The following TIGD7 variants were observed in gnomAD, a reference collection of about 807,000 sequenced individuals.
TIGD7 encodes the protein tigger transposable element-derived protein 7.
TIGD7 carries 26 observed loss-of-function variants against 24.8 expected under a neutral mutation model. The observed-to-expected ratio is 1.05, with a 90% CI of 0.77 to 1.45. The LOEUF is 1.45. Among genes scored for constraint, TIGD7 ranks in the 40% most tolerant of loss-of-function variants. The pLI is 0.00. For missense variants in TIGD7, 679 were observed against 641.6 expected (o/e 1.06, Z -0.63); for synonymous variants, 221 against 224.1 (o/e 0.99, Z 0.12).
rs890315200 is a variant in TIGD7, at chr16:3,301,248, C to T, written c.-634G>A. ...CAGTTCATCTACCTGGATAAGGGCT[C>T]CGAGCTACAGGGACCCTGACATTGG... On this transcript the variant is annotated 5_prime_UTR_variant, in exon 2 of 2. Transcript: ENST00000396862. 2.4e-5 allele frequency: 4 copies of T among 167,034 alleles called. No individual in the cohort carries two copies. Among genetic ancestry groups the T allele is most frequent in the African/African-American group, 9.7e-5 (4 of 41,414 alleles). 10.3% of individuals were successfully genotyped at this position (167,034 alleles called of 1,614,324 possible).
Position 3,299,122 on chromosome 16 carries a change from T to C in TIGD7, c.1493A>G (p.Gln498Arg). Residue 498 changes from glutamine (Q) to arginine (R), a missense_variant, in exon 2 of 2, where the codon CAG becomes CGG. Physicochemically the swap from Gln to Arg is conservative, Grantham distance 43. Coordinates refer to ENST00000396862, the MANE Select transcript of TIGD7 (RefSeq NM_033208.4). ...CTCTTTCAGTGTGAAGTGGAATCTCTGAAACTCAGGTGTGGCATCAACAAA... is the reference window on the plus strand; with the variant it reads ...CTCTTTCAGTGTGAAGTGGAATCTCCGAAACTCAGGTGTGGCATCAACAAA... ...LDFVDATPEF[Q>R]RFHFTLKEMQ... 1 of 1,468,902 alleles carries C rather than the reference T, an allele frequency of 6.8e-7. No individual in the cohort carries two copies. The highest frequency in any genetic ancestry group is 2.5e-5 in the East Asian group (1 of 40,026). 91.0% of individuals were successfully genotyped at this position (1,468,902 alleles called of 1,614,324 possible).
In TIGD7 at chr16:3,300,615, A is replaced by C; in HGVS notation, c.-1T>G. ...TTGTATATTTCCCTCTCTTATTCAT[A>C]CTGAATTTAACTCTGAACCACCAAC... On this transcript the variant is annotated 5_prime_UTR_variant, in exon 2 of 2. Transcript: ENST00000396862. 1 of 1,547,438 alleles carries C rather than the reference A, an allele frequency of 6.5e-7. No individual in the cohort carries two copies. Among genetic ancestry groups the C allele is most frequent in the Non-Finnish European group, 8.7e-7 (1 of 1,150,316 alleles).
rs1959927372 is a variant in TIGD7, at chr16:3,301,087, A to C, written c.-473T>G. On this transcript the variant is annotated 5_prime_UTR_variant, in exon 2 of 2. Transcript: ENST00000396862. ...GAAGAAGGGAGCGTGAAAGACTCAA[A>C]GGCAATGACAGAGTAATCTTGTGTG... 5.9e-6 allele frequency: 1 copy of C among 169,570 alleles called. No homozygotes were observed. Among genetic ancestry groups the C allele is most frequent in the Non-Finnish European group, 1.4e-5 (1 of 69,850 alleles). The allele number at this position is 169,570 out of a possible 1,614,324, so 10.5% of individuals were successfully genotyped here.
chr16:3,299,432 T>C lies in TIGD7; in HGVS notation c.1183A>G (p.Ile395Val), dbSNP rs145207288. 5.1e-6 allele frequency: 8 copies of C among 1,561,990 alleles called. No individual in the cohort carries two copies. In the African/African-American group the frequency reaches 5.5e-5, roughly 11 times the overall value. ...AGAAGATTTTCCCATGCATTTGCTA[T>C]GGTTATTTGTTTTACTTCTTCCCAA... ...KSWEEVKQIT[I>V]ANAWENLLYK... Residue 395 changes from isoleucine (I) to valine (V), a missense_variant, in exon 2 of 2, where the codon ATA (isoleucine) becomes GTA (valine). Transcript: ENST00000396862.
Position 3,300,247 on chromosome 16 carries a change from G to T in TIGD7, c.368C>A (p.Thr123Asn), listed in dbSNP as rs375669196. The change falls in exon 2 of 2, where the codon ACT becomes AAT. Residue 123 changes from threonine (T) to asparagine (N), a missense_variant. Coordinates refer to ENST00000396862, the MANE Select transcript of TIGD7 (RefSeq NM_033208.4). Reference sequence around the variant, plus strand: ...ATTTCGAAATCTAAAAAGCCAACCAGTGCTAGCTTTGAAATCTGTTCGCCC... The same window carrying T: ...ATTTCGAAATCTAAAAAGCCAACCATTGCTAGCTTTGAAATCTGTTCGCCC... ...CFGRTDFKAS[T>N]GWLFRFRNRH... The T allele has an allele frequency of 6.2e-7, 1 of 1,614,188 alleles. No homozygotes were observed. Among genetic ancestry groups the T allele is most frequent in the Non-Finnish European group, 8.5e-7 (1 of 1,180,042 alleles).
Position 3,300,258 on chromosome 16 carries a change from G to A in TIGD7, c.357C>T (p.Phe119=). 4 of 1,614,164 alleles carry A rather than the reference G, an allele frequency of 2.5e-6. No individual in the cohort carries two copies. In the Admixed American group the frequency reaches 6.7e-5, roughly 27 times the overall value. ...TAAAAAGCCAACCAGTGCTAGCTTT[G>A]AAATCTGTTCGCCCAAAACACCGTG... ...RFARCFGRTD[F]KASTGWLFRF... The change falls in exon 2 of 2, where the codon TTC becomes TTT. Residue 119 remains phenylalanine (F), a synonymous_variant. Coordinates refer to ENST00000396862, the MANE Select transcript of TIGD7 (RefSeq NM_033208.4).
In TIGD7 at chr16:3,299,558, T is replaced by C; in HGVS notation, c.1057A>G (p.Ile353Val). ...RWKQLEESLV[I>V]FEESDDEQEK... ...TGCTCATCATCACTTTCTTCAAATA[T>C]TACAAGACTCTCTTCAAGTTGCTTC... Residue 353 changes from isoleucine to valine, a missense_variant, in exon 2 of 2, where the codon ATA (isoleucine) becomes GTA (valine). Ile to Val is a conservative substitution (Grantham distance 29, BLOSUM62 3). Coordinates refer to ENST00000396862, the MANE Select transcript of TIGD7 (RefSeq NM_033208.4). 1 of 1,532,646 alleles carries C rather than the reference T, an allele frequency of 6.5e-7. No individual in the cohort carries two copies. The highest frequency in any genetic ancestry group is 1.3e-5 in the South Asian group (1 of 77,108). 94.9% of individuals were successfully genotyped at this position (1,532,646 alleles called of 1,614,324 possible). A position where few individuals can be genotyped will look rare whatever the true frequency, so the allele number is the denominator to read the frequency against.
rs1232312838 is a variant in TIGD7, at chr16:3,299,871, T to C, written c.744A>G (p.Ile248Met). The change falls in exon 2 of 2, where the codon ATA becomes ATG. Residue 248 changes from isoleucine to methionine, a missense_variant. Transcript: ENST00000396862. ...VKEDTSTLPVIYKPSKDVWFT... is the reference protein window; with the variant it reads ...VKEDTSTLPVMYKPSKDVWFT... The stretch of plus-strand genomic sequence containing the variant: ...ACCAAACATCTTTACTGGGTTTATA[T>C]ATCACAGGCAATGTACTTGTGTCCT... The C allele has an allele frequency of 8.8e-6, 14 of 1,598,892 alleles. No homozygotes were observed. Among genetic ancestry groups the C allele is most frequent in the Admixed American group, 3.5e-5 (2 of 57,048 alleles).
chr16:3,299,509 G>T lies in TIGD7; in HGVS notation c.1106C>A (p.Ser369Tyr). The stretch of plus-strand genomic sequence containing the variant: ...TTTTATATTGTAGATTTTAATTTTG[G>T]AAACTCCTTTATCTCCTTTCTCTTG... ...DEQEKGDKGVSKIKIYNIKSA... is the reference protein window; with the variant it reads ...DEQEKGDKGVYKIKIYNIKSA... The change falls in exon 2 of 2, where the codon TCC (serine) becomes TAC (tyrosine). Residue 369 changes from serine to tyrosine, a missense_variant. By Grantham distance (144) the Ser-to-Tyr change is moderately radical (BLOSUM62 -2). Coordinates refer to ENST00000396862, the MANE Select transcript of TIGD7 (RefSeq NM_033208.4). 1 of 1,533,158 alleles carries T rather than the reference G, an allele frequency of 6.5e-7. No individual in the cohort carries two copies. The allele number at this position is 1,533,158 out of a possible 1,614,324, so 95.0% of individuals were successfully genotyped here.
chr16:3,299,396 C>G lies in TIGD7; in HGVS notation c.1219G>C (p.Glu407Gln), dbSNP rs1959865231. 6.4e-7 allele frequency: 1 copy of G among 1,551,880 alleles called. No individual in the cohort carries two copies. Among genetic ancestry groups the G allele is most frequent in the African/African-American group, 1.4e-5 (1 of 71,836 alleles). Residue 407 changes from glutamate to glutamine, a missense_variant, in exon 2 of 2, where the codon GAA (glutamate) becomes CAA (glutamine). Transcript: ENST00000396862. ...AAGCCTTGAAAATCATATTCAGGTT[C>G]CTTTTTGTAAAGAAGATTTTCCCAT... ...NAWENLLYKK[E>Q]PEYDFQGLEH...
chr16:3,303,902 G>A (rs2524313), intron 1 of TIGD7: 25,788 of 152,098 alleles, frequency 0.17, 2,295 homozygotes, highest in Non-Finnish European at 0.2. Context: ...GCGTGAACTC[G>A]GCTCACTGCA....
rs764223076 is a variant in TIGD7 at position 3,299,993 on chromosome 16, CTTTG to C, written c.618_621del (p.Asn206LysfsTer18). The C allele has an allele frequency of 1.5e-5, 24 of 1,614,032 alleles. No homozygotes were observed. The highest frequency in any genetic ancestry group is 3.3e-5 in the South Asian group (3 of 91,058). On this transcript the variant is annotated frameshift_variant, in exon 2 of 2. Coordinates refer to ENST00000396862, the MANE Select transcript of TIGD7 (RefSeq NM_033208.4). LOFTEE classifies it high-confidence loss of function. ...GCACATAAAAAGGCAGACAACCTTT[CTTTG>C]TTTATTTTCTTCCCTGGTAGGCAGA... is the stretch of plus-strand genomic sequence containing the variant.
In TIGD7 at chr16:3,299,237, C is replaced by T; in HGVS notation, c.1378G>A (p.Glu460Lys). 1 of 1,610,886 alleles carries T rather than the reference C, an allele frequency of 6.2e-7. No individual in the cohort carries two copies. The highest frequency in any genetic ancestry group is 8.5e-7 in the Non-Finnish European group (1 of 1,179,066). ...LLKTKGGITK[E>K]VVQKGGEAEK... ...GCTTCTCCTCCTTTTTGAACAACTT[C>T]CTTTGTTATTCCACCTTTGGTTTTT... Residue 460 changes from glutamate to lysine, a missense_variant, in exon 2 of 2, where the codon GAA (glutamate) becomes AAA (lysine). Coordinates refer to ENST00000396862, the MANE Select transcript of TIGD7 (RefSeq NM_033208.4).
At chr16:3,303,375 A>T (rs1304507525) in intron 1 of TIGD7, among the ~76,000 whole-genome samples, 1 of 152,212 alleles carries the variant, frequency 6.6e-6, no homozygotes, top group Non-Finnish European at 1.5e-5. Flanking sequence ...TGTCAATGAT[A>T]TCCAAGGGCA....
Position 3,299,712 on chromosome 16 carries a change from A to G in TIGD7, c.903T>C (p.His301=). 6.5e-7 allele frequency: 1 copy of G among 1,536,510 alleles called. No homozygotes were observed. The highest frequency in any genetic ancestry group is 1.3e-5 in the South Asian group (1 of 76,678). Residue 301 remains histidine, a synonymous_variant, in exon 2 of 2, where the codon CAT becomes CAC. Transcript: ENST00000396862. ...CACTGGTTAGGGATTCAGAGGAAGG[A>G]TGAGCCGGGCAACTGTCCAGAAGTA... The part of the protein sequence containing the change: ...ALLLLDSCPA[H]PSSESLTSED...
Position 3,300,321 on chromosome 16 carries a change from T to C in TIGD7, c.294A>G (p.Val98=), listed in dbSNP as rs771483036. The C allele has an allele frequency of 6.2e-7, 1 of 1,614,246 alleles. No homozygotes were observed. The change falls in exon 2 of 2, where the codon GTA becomes GTG. Residue 98 remains valine, a synonymous_variant. Transcript: ENST00000396862. ...CAGCAGCCTGAAGCTCCACGCCTCT[T>C]ACCGGAACACCGGCTGAGCGTTTCT... ...YQQKRSAGVP[V]RGVELQAAAE...
At chr16:3,302,241 C>T (rs2150780693) in intron 1 of TIGD7, among the ~76,000 whole-genome samples, 1 of 152,238 alleles carries the variant, frequency 6.6e-6, no homozygotes, top group Non-Finnish European at 1.5e-5. Flanking sequence ...AATTCTCCTG[C>T]CTCAGCTTCC....
rs751356127 is a variant in TIGD7, at chr16:3,301,379, A to T, written c.-765T>A. On this transcript the variant is annotated 5_prime_UTR_variant, in exon 2 of 2. It adds an upstream start codon to the 5' untranslated region. Coordinates refer to ENST00000396862, the MANE Select transcript of TIGD7 (RefSeq NM_033208.4). ...TGAAATCCAACTTTTATTGCATTCA[A>T]TATAGTATTGTCAAGCACCGTGCTT... is the stretch of plus-strand genomic sequence containing the variant. 1 of 167,120 alleles carries T rather than the reference A, an allele frequency of 6.0e-6. No homozygotes were observed. Among genetic ancestry groups the T allele is most frequent in the Non-Finnish European group, 1.5e-5 (1 of 68,126 alleles). The allele number at this position is 167,120 out of a possible 1,614,324, so 10.4% of individuals were successfully genotyped here.
At position 3,299,508 on chromosome 16, in the gene TIGD7, G is replaced by A. The variant is rs1269508054; in HGVS notation, c.1107C>T (p.Ser369=). Residue 369 remains serine, a synonymous_variant, in exon 2 of 2, where the codon TCC becomes TCT. Coordinates refer to ENST00000396862, the MANE Select transcript of TIGD7 (RefSeq NM_033208.4). ...TTTTTATATTGTAGATTTTAATTTT[G>A]GAAACTCCTTTATCTCCTTTCTCTT... ...DEQEKGDKGV[S]KIKIYNIKSA... 1 of 1,532,928 alleles carries A rather than the reference G, an allele frequency of 6.5e-7. No homozygotes were observed. Among genetic ancestry groups the A allele is most frequent in the Non-Finnish European group, 8.7e-7 (1 of 1,144,082 alleles). 95.0% of individuals were successfully genotyped at this position (1,532,928 alleles called of 1,614,324 possible). A position where few individuals can be genotyped will look rare whatever the true frequency, so the allele number is the denominator to read the frequency against.
Sources: gnomAD v4.1 joint callset for allele counts (sites outside exome capture counted in the v4.1 genomes callset) on GRCh38, gnomAD v4.1.1 for gene constraint, MANE v1.5 for transcripts, NCBI Gene and HGNC (gene_info 2026-07-23, HGNC 2026-07-21) for gene names.